The following RAB4B variants were observed in gnomAD, a reference collection of about 807,000 sequenced individuals.
RAB4B encodes RAB4B, member RAS oncogene family, also known as ras-related protein Rab-4B.
Under a neutral mutation model 28.3 loss-of-function variants are expected in RAB4B, and 15 were observed. That is an observed-to-expected ratio of 0.53 (90% CI 0.35 to 0.82). The LOEUF (loss-of-function observed/expected upper bound fraction) is 0.82, where lower values mean the gene tolerates loss of function less well. Ranked by LOEUF, RAB4B falls within the 40% of genes least tolerant of loss-of-function variation. The probability of loss-of-function intolerance (pLI) is 0.01; values close to 1 mark genes in which losing one functional copy is unlikely to be tolerated. For missense variants in RAB4B, 244 were observed against 288.5 expected (o/e 0.85, Z 1.12); for synonymous variants, 108 against 116.3 (o/e 0.93, Z 0.46).
At chr19:40,785,154 C>T (rs2083086597) in intron 5 of RAB4B, among the ~76,000 whole-genome samples, 1 of 151,728 alleles carries the variant, frequency 6.6e-6, no homozygotes. Context: ...TGGGGTAGAT[C>T]CTTGAGTAAC....
In RAB4B at chr19:40,790,886, C is replaced by T. The variant is rs368093258; in HGVS notation, c.*15+3908C>T. On this transcript the variant is annotated intron_variant, in intron 7 of 7. Transcript: ENST00000357052. ...TTTTTTTTTTTTGGAGATGGAGTCT[C>T]GCTTTGTTGCCCAGGCTGGAGTGCA... is the stretch of plus-strand genomic sequence containing the variant. Among the ~76,000 whole-genome samples, 106 of 143,616 alleles carry T rather than the reference C, an allele frequency of 7.4e-4. 1 individual carries two copies. The highest frequency in any genetic ancestry group is 2.6e-3 in the African/African-American group (100 of 38,194). The allele number at this position is 143,616 out of a possible 152,430, so 94.2% of individuals were successfully genotyped here.
intron 7 of RAB4B, among the ~76,000 whole-genome samples, chr19:40,793,979 G>T (rs1251749065): frequency 6.6e-6 from 1 of 151,860 alleles, no homozygotes; most frequent in Non-Finnish European, 1.5e-5. Flanking sequence ...AAAACTCCTG[G>T]CCTCAAGCAA....
Position 40,783,908 on chromosome 19 carries a change from C to T in RAB4B, c.276-13C>T. ...CTCCTGCACTGCCTCCCTCCCTTCTCCCTTCTCCACAGCCGGGAGACATAC... is the reference window on the plus strand; with the variant it reads ...CTCCTGCACTGCCTCCCTCCCTTCTTCCTTCTCCACAGCCGGGAGACATAC... On this transcript the variant is annotated splice_polypyrimidine_tract_variant and intron_variant, in intron 4 of 7. Transcript: ENST00000357052. 1 of 1,598,482 alleles carries T rather than the reference C, an allele frequency of 6.3e-7. No individual in the cohort carries two copies. The highest frequency in any genetic ancestry group is 8.6e-7 in the Non-Finnish European group (1 of 1,168,644).
chr19:40,786,605 G>A (rs2083101474), intron 5 of RAB4B, 60 bp from the exon 6 acceptor site: 1 of 1,604,452 alleles, frequency 6.2e-7, no homozygotes, highest in Non-Finnish European at 8.5e-7. Flanking sequence ...CAGCAGGTGA[G>A]AGCTCAGTGG....
At chr19:40,787,207 G>C (rs1281674603) in intron 7 of RAB4B, among the ~76,000 whole-genome samples, 1 of 151,518 alleles carries the variant, frequency 6.6e-6, no homozygotes, top group African/African-American at 2.4e-5. Context: ...GGGGTGGGGA[G>C]ACAGACCCAC....
rs915843735 is a variant in RAB4B, at chr19:40,783,667, G to T, written c.213-111G>T. ...GACCAAGGCCAGGTTTTGGGGGATG[G>T]GCCAGCAGTGAAGGGGGGGGCCTCC... On this transcript the variant is annotated intron_variant, in intron 3 of 7. Coordinates refer to ENST00000357052, the MANE Select transcript of RAB4B (RefSeq NM_016154.5). 8.3e-6 allele frequency: 9 copies of T among 1,077,870 alleles called. 1 individual carries two copies. In the African/African-American group the frequency reaches 1.4e-4, roughly 17 times the overall value. 66.8% of individuals were successfully genotyped at this position (1,077,870 alleles called of 1,614,324 possible).
At chr19:40,787,665 G>T (rs1390971669) in intron 7 of RAB4B, among the ~76,000 whole-genome samples, 6 of 151,404 alleles carry the variant, frequency 4.0e-5, no homozygotes, top group Non-Finnish European at 7.4e-5. Flanking sequence ...ATCAGGGTGG[G>T]ATAGGGCAGG....
At chr19:40,794,711 A>C (rs901463775) in intron 7 of RAB4B, 1 of 151,538 alleles carries the variant, frequency 6.6e-6, no homozygotes, top group South Asian at 2.1e-4. Context: ...CTCACCCTAG[A>C]GATTCTGAAG....
intron 3 of RAB4B, among the ~76,000 whole-genome samples, chr19:40,782,850 C>A (rs564194141): frequency 7.8e-6 from 1 of 127,580 alleles, no homozygotes; most frequent in South Asian, 2.5e-4. Context: ...CAATAAAAGA[C>A]ATGTAGGGCC....
At chr19:40,779,820 A>G (rs947424199) in intron 1 of RAB4B, 199 bp from the exon 2 acceptor site, 2 of 1,314,892 alleles carry the variant, frequency 1.5e-6, no homozygotes, top group Admixed American at 3.2e-5. Flanking sequence ...GAAAAAAAAT[A>G]TATAGAATGT....
intron 7 of RAB4B, among the ~76,000 whole-genome samples, chr19:40,795,667 T>A (rs2083203081): frequency 6.6e-6 from 1 of 151,936 alleles, no homozygotes; most frequent in South Asian, 2.1e-4. Context: ...AGTGCTGGGA[T>A]TACAGGCGTG....
At chr19:40,793,931 C>G (rs1328257700) in intron 7 of RAB4B, among the ~76,000 whole-genome samples, 2 of 151,166 alleles carry the variant, frequency 1.3e-5, no homozygotes, top group Non-Finnish European at 2.9e-5. Flanking sequence ...CTCACAAAAA[C>G]AAAAACAAAC....
At chr19:40,784,704 G>A (rs1599742619) in intron 5 of RAB4B, among the ~76,000 whole-genome samples, 1 of 152,074 alleles carries the variant, frequency 6.6e-6, no homozygotes, top group South Asian at 2.1e-4. Flanking sequence ...CTAAGGTTTC[G>A]CCTACCGTCA....
intron 3 of RAB4B, among the ~76,000 whole-genome samples, chr19:40,781,113 A>T (rs973318084): frequency 8.5e-6 from 1 of 117,724 alleles, no homozygotes; most frequent in Non-Finnish European, 1.8e-5. Flanking sequence ...TGTCTCTACT[A>T]AAAAAAAAAA....
Position 40,778,475 on chromosome 19 carries a change from CA to C in RAB4B, c.16+85del, listed in dbSNP as rs1337811484. 24 of 1,317,198 alleles carry C rather than the reference CA, an allele frequency of 1.8e-5. No individual in the cohort carries two copies. In the South Asian group the frequency reaches 1.9e-4, roughly 11 times the overall value. 81.6% of individuals were successfully genotyped at this position (1,317,198 alleles called of 1,614,324 possible). ...TGGGAATGGGCGGGGCTTTGTAGAT[CA>C]GGGGGCGGGGTCTGGTGTGATGGAG... On this transcript the variant is annotated intron_variant, in intron 1 of 7. Coordinates refer to ENST00000357052, the MANE Select transcript of RAB4B (RefSeq NM_016154.5).
intron 5 of RAB4B, 31 bp downstream of exon 5, chr19:40,784,106 TG>T: frequency 6.3e-7 from 1 of 1,583,100 alleles, no homozygotes; most frequent in Non-Finnish European, 8.6e-7. Flanking sequence ...CAGGTGGTGG[TG>T]GGGGTGGACA....
intron 3 of RAB4B, 40 bp downstream of exon 3, chr19:40,780,539 G>A: frequency 2.6e-6 from 4 of 1,534,998 alleles, no homozygotes; most frequent in East Asian, 2.3e-5. Context: ...GGGAGAGAGA[G>A]TGAGAAGGAA....
intron 3 of RAB4B, among the ~76,000 whole-genome samples, chr19:40,783,165 A>G (rs1480956780): frequency 5.4e-5 from 8 of 148,638 alleles, no homozygotes; most frequent in Non-Finnish European, 1.5e-5. Flanking sequence ...AAAAAAAAAA[A>G]AAAAAAAGAA....
intron 1 of RAB4B, 96 bp from the exon 2 acceptor site, chr19:40,779,923 T>G: frequency 6.2e-7 from 1 of 1,604,722 alleles, no homozygotes; most frequent in Non-Finnish European, 8.5e-7. Context: ...CCTCTAACTG[T>G]GATGGTTAGA....
Sources: allele counts gnomAD v4.1 joint callset (sites outside exome capture counted in the v4.1 genomes callset), GRCh38; gene constraint gnomAD v4.1.1; transcripts MANE v1.5; gene names NCBI Gene and HGNC (gene_info 2026-07-23, HGNC 2026-07-21).